The following JAKMIP1 variants were observed in gnomAD, a reference collection of about 807,000 sequenced individuals.
JAKMIP1 encodes the protein janus kinase and microtubule interacting protein 1.
Under a neutral mutation model 113.0 loss-of-function variants are expected in JAKMIP1, and 33 were observed. That is an observed-to-expected ratio of 0.29 (90% CI 0.22 to 0.39). The LOEUF (loss-of-function observed/expected upper bound fraction) is 0.39, where lower values mean the gene tolerates loss of function less well. JAKMIP1 is among the 10% of genes least tolerant of loss of function. The probability of loss-of-function intolerance (pLI) is 1.00; values close to 1 mark genes in which losing one functional copy is unlikely to be tolerated. For missense variants in JAKMIP1, 813 were observed against 1,080.5 expected (o/e 0.75, Z 3.47); for synonymous variants, 480 against 459.9 (o/e 1.04, Z -0.56).
At chr4:6,096,625 C>T (rs1711819304) in intron 3 of JAKMIP1, among the ~76,000 whole-genome samples, 2 of 152,194 alleles carry the variant, frequency 1.3e-5, no homozygotes, top group African/African-American at 4.8e-5. Flanking sequence ...GAAAGAGGAT[C>T]CATGGCCTGA....
intron 1 of JAKMIP1, among the ~76,000 whole-genome samples, chr4:6,122,645 C>A (rs1296723712): frequency 6.6e-6 from 1 of 152,178 alleles, no homozygotes. Context: ...AAGCAAGTGC[C>A]GGCTCTAGGA....
At chr4:6,117,299 G>A (rs934665867) in intron 1 of JAKMIP1, among the ~76,000 whole-genome samples, 1 of 152,180 alleles carries the variant, frequency 6.6e-6, no homozygotes, top group African/African-American at 2.4e-5. Flanking sequence ...GTACAAAAGA[G>A]AGAAATTTTA....
chr4:6,078,798 G>A, intron 8 of JAKMIP1, 141 bp downstream of exon 8: 1 of 710,852 alleles, frequency 1.4e-6, no homozygotes, highest in Non-Finnish European at 2.5e-6. Flanking sequence ...GGTGATGACA[G>A]GCTTTTCATC....
In JAKMIP1 at chr4:6,056,771, T is replaced by C. The variant is rs2108777057; in HGVS notation, c.1645-12A>G. The C allele has an allele frequency of 6.3e-7, 1 of 1,588,306 alleles. No homozygotes were observed. Among genetic ancestry groups the C allele is most frequent in the Non-Finnish European group, 8.6e-7 (1 of 1,157,428 alleles). ...ACCCACTTGGAATCCTAAGGAAAAGTACTAAATATGGTCACATTCATGGAA... is the reference window on the plus strand; with the variant it reads ...ACCCACTTGGAATCCTAAGGAAAAGCACTAAATATGGTCACATTCATGGAA... On this transcript the variant is annotated splice_polypyrimidine_tract_variant and intron_variant, in intron 11 of 20. Coordinates refer to ENST00000409021, the MANE Select transcript of JAKMIP1 (RefSeq NM_001099433.2).
chr4:6,033,501 C>T (rs1713009701), intron 19 of JAKMIP1, among the ~76,000 whole-genome samples: 1 of 152,224 alleles, frequency 6.6e-6, no homozygotes, highest in Non-Finnish European at 1.5e-5. Flanking sequence ...TGAGTGCTTA[C>T]TTTGTGAGCA....
chr4:6,079,695 T>G (rs1720222391), intron 7 of JAKMIP1, among the ~76,000 whole-genome samples: 2 of 152,160 alleles, frequency 1.3e-5, no homozygotes, highest in South Asian at 4.1e-4. Context: ...ACGCCCCATA[T>G]ACACGTCCAA....
rs1454031563 is a variant in JAKMIP1 at position 6,031,843 on chromosome 4, C to T, written c.2380-2062G>A. On this transcript the variant is annotated intron_variant, in intron 19 of 20. Transcript: ENST00000409021. The surrounding 1 kb of genome is among the most constrained non-coding windows in gnomAD (Gnocchi z 4.4). Reference sequence around the variant, plus strand: ...CTTATCTATAGATGGGTGCTGCCCACATCTAAGGATTTAACAAGCAAATTT... The same window carrying T: ...CTTATCTATAGATGGGTGCTGCCCATATCTAAGGATTTAACAAGCAAATTT... 1.3e-5 allele frequency among the ~76,000 whole-genome samples: 2 copies of T among 152,238 alleles called. No individual in the cohort carries two copies. The highest frequency in any genetic ancestry group is 1.9e-4 in the East Asian group (1 of 5,202).
chr4:6,100,330 A>G (rs970775932), intron 3 of JAKMIP1, among the ~76,000 whole-genome samples: 7 of 152,318 alleles, frequency 4.6e-5, no homozygotes, highest in South Asian at 2.1e-4. Flanking sequence ...CAAGCATACA[A>G]TATGAGGTCT....
intron 1 of JAKMIP1, among the ~76,000 whole-genome samples, chr4:6,146,472 T>C (rs903390726): frequency 1.3e-5 from 2 of 152,020 alleles, no homozygotes; most frequent in African/African-American, 4.8e-5. Flanking sequence ...TTTTTTATTT[T>C]TTGTAGAGAC....
chr4:6,130,519 A>G (rs1284718705), intron 1 of JAKMIP1, among the ~76,000 whole-genome samples: 3 of 152,212 alleles, frequency 2.0e-5, no homozygotes, highest in Non-Finnish European at 1.5e-5. Flanking sequence ...AAAGCATACT[A>G]AAAGGCAAAA....
In JAKMIP1 at chr4:6,160,832, T is replaced by G. The variant is rs531868554; in HGVS notation, c.-148+39421A>C. Among the ~76,000 whole-genome samples, 420 of 150,874 alleles carry G rather than the reference T, an allele frequency of 2.8e-3. 1 individual carries two copies. The highest frequency in any genetic ancestry group is 4.5e-3 in the Non-Finnish European group (304 of 67,654). On this transcript the variant is annotated intron_variant, in intron 1 of 20. Transcript: ENST00000409021. ...ACTCACCTCCACTGACTCACTGACCTCCACTCACCTCCCCTGACCAACTGA... is the reference window on the plus strand; with the variant it reads ...ACTCACCTCCACTGACTCACTGACCGCCACTCACCTCCCCTGACCAACTGA...
At position 6,158,540 on chromosome 4, in the gene JAKMIP1, A is replaced by C. The variant is rs1247649710; in HGVS notation, c.-148+41713T>G. 6.6e-6 allele frequency among the ~76,000 whole-genome samples: 1 copy of C among 152,136 alleles called. No homozygotes were observed. The highest frequency in any genetic ancestry group is 1.9e-4 in the East Asian group (1 of 5,182). ...TGAAGTCACAGGTGGAACATGATTC[A>C]CTGGAAAGAAAGGATGAGGTATTCC... On this transcript the variant is annotated intron_variant, in intron 1 of 20. Coordinates refer to ENST00000409021, the MANE Select transcript of JAKMIP1 (RefSeq NM_001099433.2). The surrounding 1 kb of genome is among the most constrained non-coding windows in gnomAD (Gnocchi z 5.3).
chr4:6,047,500 A>G (rs1048784116), intron 16 of JAKMIP1, among the ~76,000 whole-genome samples: 1 of 152,178 alleles, frequency 6.6e-6, no homozygotes, highest in Non-Finnish European at 1.5e-5. Context: ...GGTGTGAGTC[A>G]TCCCCGTCCC....
chr4:6,029,419 CCT>C (rs1712296232), intron 20 of JAKMIP1, among the ~76,000 whole-genome samples: 1 of 152,174 alleles, frequency 6.6e-6, no homozygotes, highest in South Asian at 2.1e-4. Context: ...ATGTGCTTCA[CCT>C]CTTTCCTAGT....
intron 9 of JAKMIP1, among the ~76,000 whole-genome samples, chr4:6,063,808 G>T (rs1435858059): frequency 6.6e-6 from 1 of 152,238 alleles, no homozygotes; most frequent in East Asian, 1.9e-4. Context: ...ACAAGCAGGG[G>T]TGTGTGGGAG....
In JAKMIP1 at chr4:6,142,647, G is replaced by A. The variant is rs1256239505; in HGVS notation, c.-147-29650C>T. On this transcript the variant is annotated intron_variant, in intron 1 of 20. Coordinates refer to ENST00000409021, the MANE Select transcript of JAKMIP1 (RefSeq NM_001099433.2). This position sits in a 1 kb window ranked among gnomAD's most constrained non-coding sequence, Gnocchi z 5.5. ...GGCAGCTGGCATTGGGATCAAATGT[G>A]CGGCCTCTGGACAGGCACAGCTCTG... Among the ~76,000 whole-genome samples, 24 of 152,154 alleles carry A rather than the reference G, an allele frequency of 1.6e-4. No individual in the cohort carries two copies.
intron 3 of JAKMIP1, among the ~76,000 whole-genome samples, chr4:6,095,628 G>A (rs953576011): frequency 6.6e-6 from 1 of 152,172 alleles, no homozygotes; most frequent in Non-Finnish European, 1.5e-5. Flanking sequence ...CAGCAAACGC[G>A]GATGCAATAG....
chr4:6,120,265 T>G (rs1227427352), intron 1 of JAKMIP1, among the ~76,000 whole-genome samples: 1 of 152,122 alleles, frequency 6.6e-6, no homozygotes, highest in African/African-American at 2.4e-5. Flanking sequence ...TGACTTTGTT[T>G]TAAATATCTA....
chr4:6,044,300 C>T lies in JAKMIP1; in HGVS notation c.2029-2073G>A, dbSNP rs1052228182. Among the ~76,000 whole-genome samples the T allele has an allele frequency of 2.6e-5, 4 of 152,118 alleles. No individual in the cohort carries two copies. The highest frequency in any genetic ancestry group is 9.7e-5 in the African/African-American group (4 of 41,422). ...CACAGGGCTTGACACAAGCAGGTGC[C>T]TAATAAACTTCTGTCGAATGAAGGA... is the stretch of plus-strand genomic sequence containing the variant. On this transcript the variant is annotated intron_variant, in intron 16 of 20. Transcript: ENST00000409021. This position sits in a 1 kb window ranked among gnomAD's most constrained non-coding sequence, Gnocchi z 4.4.
Sources: allele counts gnomAD v4.1 joint callset (sites outside exome capture counted in the v4.1 genomes callset), GRCh38; gene constraint gnomAD v4.1.1; non-coding constraint Gnocchi (gnomAD v3.1); transcripts MANE v1.5; gene names NCBI Gene and HGNC (gene_info 2026-07-23, HGNC 2026-07-21).